Variants in CSF3R observed in about 807,000 individuals in gnomAD.
The protein encoded by CSF3R is granulocyte colony-stimulating factor receptor.
CSF3R carries 52 observed loss-of-function variants against 84.4 expected under a neutral mutation model. The ratio of observed to expected loss-of-function variants is 0.62; its 90% CI spans 0.49 to 0.78. The LOEUF is 0.78. Among genes scored for constraint, CSF3R ranks in the 30% least tolerant of loss-of-function variants. The pLI, the probability that CSF3R is intolerant of heterozygous loss-of-function variation, is 0.00. For missense variants in CSF3R, 890 were observed against 1,055.7 expected (o/e 0.84, Z 2.17); for synonymous variants, 384 against 429.1 (o/e 0.89, Z 1.30).
rs1285781622 is a variant in CSF3R at position 36,472,698 on chromosome 1, G to A, written c.674-12C>T. The A allele has an allele frequency of 1.3e-6, 2 of 1,581,700 alleles. No individual in the cohort carries two copies. The highest frequency in any genetic ancestry group is 1.3e-5 in the African/African-American group (1 of 74,272). On this transcript the variant is annotated splice_polypyrimidine_tract_variant and intron_variant, in intron 6 of 16. Coordinates refer to ENST00000373106, the MANE Select transcript of CSF3R (RefSeq NM_000760.4). The surrounding 1 kb of genome is among the most constrained non-coding windows in gnomAD (Gnocchi z 5.0). Reference sequence around the variant, plus strand: ...GGGCTCCAGTTTCACTGCAAGGAGTGGGGCTGTCAGAAGGTCTCCCTATCC... The same window carrying A: ...GGGCTCCAGTTTCACTGCAAGGAGTAGGGCTGTCAGAAGGTCTCCCTATCC...
intron 12 of CSF3R, chr1:36,468,917 A>G: frequency 1.9e-6 from 1 of 528,186 alleles, no homozygotes; most frequent in Non-Finnish European, 3.4e-6. Flanking sequence ...AAATGGTTTG[A>G]TTTTTGCCAG....
At chr1:36,473,082 T>C in intron 6 of CSF3R, 1 of 403,330 alleles carries the variant, frequency 2.5e-6, no homozygotes, top group African/African-American at 2.0e-5. Flanking sequence ...TATTGCTATC[T>C]GAAATTCTAT....
At chr1:36,475,153 C>T (rs981577068) in intron 4 of CSF3R, among the ~76,000 whole-genome samples, 7 of 152,050 alleles carry the variant, frequency 4.6e-5, no homozygotes, top group Admixed American at 1.3e-4. Flanking sequence ...TACAGGCACC[C>T]GCCACTATGC....
chr1:36,467,650 C>T lies in CSF3R; in HGVS notation c.1866G>A (p.Glu622=). The T allele has an allele frequency of 6.2e-7, 1 of 1,614,208 alleles. No individual in the cohort carries two copies. Among genetic ancestry groups the T allele is most frequent in the Non-Finnish European group, 8.5e-7 (1 of 1,180,032 alleles). ...TVLTLMTLTP[E]GSELHIILGL... ...CCAGGATGATGTGTAGCTCCGACCC[C>T]TCTGCAGTGAGGGCAGGGCCGGAAG... Residue 622 remains glutamate, a splice_region_variant and synonymous_variant, in exon 15 of 17, where the codon GAG becomes GAA. Coordinates refer to ENST00000373106, the MANE Select transcript of CSF3R (RefSeq NM_000760.4). The surrounding 1 kb of genome is among the most constrained non-coding windows in gnomAD (Gnocchi z 4.1).
intron 2 of CSF3R, among the ~76,000 whole-genome samples, chr1:36,480,881 A>G (rs1465374596): frequency 3.3e-5 from 5 of 151,764 alleles, no homozygotes; most frequent in African/African-American, 9.7e-5. Context: ...GAAAGAAAGC[A>G]CCCCTTCCTC....
At position 36,467,281 on chromosome 1, in the gene CSF3R, T is replaced by C; in HGVS notation, c.1989A>G (p.Pro663=). 1 of 1,614,220 alleles carries C rather than the reference T, an allele frequency of 6.2e-7. No individual in the cohort carries two copies. The highest frequency in any genetic ancestry group is 1.6e-4 in the Middle Eastern group (1 of 6,062). Residue 663 remains proline (P), a synonymous_variant, in exon 16 of 17, where the codon CCA becomes CCG. Coordinates refer to ENST00000373106, the MANE Select transcript of CSF3R (RefSeq NM_000760.4). The surrounding 1 kb of genome is among the most constrained non-coding windows in gnomAD (Gnocchi z 4.1). ...AGCCCAGGCTGCTGTGAGCTGGGTC[T>C]GGGACACTTGGCCAGAGGGGATTCT... ...NRKNPLWPSV[P]DPAHSSLGSW... is the part of the protein sequence containing the mutation.
chr1:36,466,308 T>C lies in CSF3R; in HGVS notation c.*49A>G. On this transcript the variant is annotated 3_prime_UTR_variant, in exon 17 of 17. Coordinates refer to ENST00000373106, the MANE Select transcript of CSF3R (RefSeq NM_000760.4). This position sits in a 1 kb window ranked among gnomAD's most constrained non-coding sequence, Gnocchi z 4.6. The stretch of plus-strand genomic sequence containing the variant: ...TATGGACCCTCCCCTCTTCTCCAGC[T>C]AGCTCAGGCCTTTAAGAGGCAGGCC... 1.9e-6 allele frequency: 3 copies of C among 1,611,958 alleles called. No homozygotes were observed. Among genetic ancestry groups the C allele is most frequent in the Non-Finnish European group, 2.5e-6 (3 of 1,179,638 alleles).
At chr1:36,479,908 G>T (rs1404136054) in intron 2 of CSF3R, 37 of 341,586 alleles carry the variant, frequency 1.1e-4, no homozygotes, top group Non-Finnish European at 5.8e-6. Flanking sequence ...GAAGATCCTA[G>T]CAGCAGATAA....
At position 36,466,143 on chromosome 1, in the gene CSF3R, G is replaced by C. The variant is rs1650290470; in HGVS notation, c.*214C>G. On this transcript the variant is annotated 3_prime_UTR_variant, in exon 17 of 17. Coordinates refer to ENST00000373106, the MANE Select transcript of CSF3R (RefSeq NM_000760.4). This position sits in a 1 kb window ranked among gnomAD's most constrained non-coding sequence, Gnocchi z 4.6. ...AACAAGCACAAAAGGCCATTGGGTG[G>C]GGCTGGATGGAGCATGATCTGGTCC... is the stretch of plus-strand genomic sequence containing the variant. 1 of 1,614,104 alleles carries C rather than the reference G, an allele frequency of 6.2e-7. No individual in the cohort carries two copies. Among genetic ancestry groups the C allele is most frequent in the African/African-American group, 1.3e-5 (1 of 74,932 alleles).
At chr1:36,481,174 G>T (rs561127400) in intron 2 of CSF3R, among the ~76,000 whole-genome samples, 31 of 152,248 alleles carry the variant, frequency 2.0e-4, no homozygotes, top group Admixed American at 1.1e-3. Flanking sequence ...CCTAGCCAGG[G>T]TCAGCTTCAG....
chr1:36,475,268 A>G, intron 4 of CSF3R, 109 bp downstream of exon 4: 1 of 1,391,060 alleles, frequency 7.2e-7, no homozygotes, highest in South Asian at 1.2e-5. Context: ...CGGCCTCCCA[A>G]AGTGCTGGGA....
chr1:36,476,368 T>A (rs974146802), intron 3 of CSF3R: 1 of 152,294 alleles, frequency 6.6e-6, no homozygotes. Flanking sequence ...AAATCGTCCC[T>A]ACCTTAGTGT....
chr1:36,475,762 G>C, intron 3 of CSF3R, 89 bp from the exon 4 acceptor site: 1 of 1,312,254 alleles, frequency 7.6e-7, no homozygotes, highest in South Asian at 1.5e-5. Flanking sequence ...AGACTCAGAG[G>C]CCTCACCTTC....
chr1:36,482,664 A>C (rs1211242530), intron 1 of CSF3R, 147 bp downstream of exon 1: 1 of 152,208 alleles, frequency 6.6e-6, no homozygotes, highest in Non-Finnish European at 1.5e-5. Context: ...CTCAGTGTCC[A>C]GGGCTGGGGT....
chr1:36,466,052 G>C lies in CSF3R; in HGVS notation c.*305C>G, dbSNP rs972494566. 8.7e-6 allele frequency: 14 copies of C among 1,613,436 alleles called. No individual in the cohort carries two copies. The highest frequency in any genetic ancestry group is 1.3e-5 in the African/African-American group (1 of 74,906). On this transcript the variant is annotated 3_prime_UTR_variant, in exon 17 of 17. Coordinates refer to ENST00000373106, the MANE Select transcript of CSF3R (RefSeq NM_000760.4). This position sits in a 1 kb window ranked among gnomAD's most constrained non-coding sequence, Gnocchi z 4.6. ...ATAACAGAGACTCAGGTACACCCAA[G>C]AGTGTCTATAAACAACAACAAAAAC... is the stretch of plus-strand genomic sequence containing the variant.
At chr1:36,468,257 TG>T in intron 12 of CSF3R, 36 bp from the exon 13 acceptor site, 1 of 1,539,622 alleles carries the variant, frequency 6.5e-7, no homozygotes, top group Non-Finnish European at 8.7e-7. Flanking sequence ...CTGAAGGGAG[TG>T]GGGCAGAGCA....
Position 36,466,147 on chromosome 1 carries a change from T to A in CSF3R, c.*210A>T. On this transcript the variant is annotated 3_prime_UTR_variant, in exon 17 of 17. Transcript: ENST00000373106. The surrounding 1 kb of genome is among the most constrained non-coding windows in gnomAD (Gnocchi z 4.6). ...AGCACAAAAGGCCATTGGGTGGGGC[T>A]GGATGGAGCATGATCTGGTCCTTAA... 6.2e-7 allele frequency: 1 copy of A among 1,614,192 alleles called. No homozygotes were observed. The highest frequency in any genetic ancestry group is 8.5e-7 in the Non-Finnish European group (1 of 1,180,038).
intron 4 of CSF3R, 115 bp from the exon 5 acceptor site, chr1:36,474,002 G>C: frequency 6.7e-7 from 1 of 1,488,792 alleles, no homozygotes; most frequent in Non-Finnish European, 9.3e-7. Flanking sequence ...TTGTCACCTT[G>C]TCTGTCCCCC....
At chr1:36,480,761 T>C (rs1245663611) in intron 2 of CSF3R, among the ~76,000 whole-genome samples, 1 of 152,222 alleles carries the variant, frequency 6.6e-6, no homozygotes, top group Non-Finnish European at 1.5e-5. Flanking sequence ...ATACCCAAGG[T>C]TGTTACTGCT....
Sources: allele counts gnomAD v4.1 joint callset (sites outside exome capture counted in the v4.1 genomes callset), GRCh38; gene constraint gnomAD v4.1.1; non-coding constraint Gnocchi (gnomAD v3.1); transcripts MANE v1.5; gene names NCBI Gene and HGNC (gene_info 2026-07-23, HGNC 2026-07-21).